SNTG1: variants seen among roughly 807,000 people sequenced by gnomAD.
SNTG1 encodes syntrophin gamma 1.
SNTG1 carries 39 observed loss-of-function variants against 74.7 expected under a neutral mutation model. The ratio of observed to expected loss-of-function variants is 0.52; its 90% confidence interval spans 0.40 to 0.68. The LOEUF is 0.68. Among genes scored for constraint, SNTG1 ranks in the 30% least tolerant of loss-of-function variants. SNTG1 has a pLI of 0.00. For synonymous variants in SNTG1, 254 were observed against 217.1 expected (o/e 1.17, Z -1.49); for missense variants, 685 against 609.5 (o/e 1.12, Z -1.30).
At chr8:50,206,350 CTTTA>C (rs1199156292) in intron 2 of SNTG1, among the ~76,000 whole-genome samples, 1 of 152,050 alleles carries the variant, frequency 6.6e-6, no homozygotes, top group African/African-American at 2.4e-5. Context: ...GGAGTTCACT[CTTTA>C]TTTGGCTCTC....
At chr8:50,493,975 T>C (rs1298544939) in intron 8 of SNTG1, among the ~76,000 whole-genome samples, 2 of 151,554 alleles carry the variant, frequency 1.3e-5, no homozygotes, top group Admixed American at 1.3e-4. Context: ...GAGCCCTAAG[T>C]TGGAGGGTTG....
At chr8:50,259,708 A>G (rs1330698352) in intron 2 of SNTG1, among the ~76,000 whole-genome samples, 1 of 152,146 alleles carries the variant, frequency 6.6e-6, no homozygotes, top group Non-Finnish European at 1.5e-5. Flanking sequence ...TGTCAATTTC[A>G]TTCACACTAT....
chr8:50,108,737 G>A (rs1382560070), intron 1 of SNTG1, among the ~76,000 whole-genome samples: 2 of 152,124 alleles, frequency 1.3e-5, no homozygotes, highest in Non-Finnish European at 2.9e-5. Context: ...CCTTTGCTGA[G>A]TTATTTGTGG....
chr8:50,198,200 A>T (rs2083850914), intron 2 of SNTG1, among the ~76,000 whole-genome samples: 1 of 152,138 alleles, frequency 6.6e-6, no homozygotes, highest in Non-Finnish European at 1.5e-5. Flanking sequence ...ACTCAGAAAA[A>T]AACAGCATCT....
intron 8 of SNTG1, 108 bp downstream of exon 8, chr8:50,450,837 C>A: frequency 1.8e-6 from 2 of 1,098,108 alleles, no homozygotes; most frequent in Non-Finnish European, 2.6e-6. Context: ...GACATTTATC[C>A]AGTTTGATAT....
rs899581622 is a variant in SNTG1 at position 50,426,249 on chromosome 8, T to C, written c.163-12294T>C. Among the ~76,000 whole-genome samples, 13 of 152,152 alleles carry C rather than the reference T, an allele frequency of 8.5e-5. 1 individual carries two copies. The highest frequency in any genetic ancestry group is 2.9e-4 in the African/African-American group (12 of 41,442). ...CTCAGATCTCCTCAGGCACCTCTTGTCTGTGACACTGTATAAGAATTCATT... is the reference window on the plus strand; with the variant it reads ...CTCAGATCTCCTCAGGCACCTCTTGCCTGTGACACTGTATAAGAATTCATT... On this transcript the variant is annotated intron_variant, in intron 4 of 18. Coordinates refer to ENST00000642720, the MANE Select transcript of SNTG1 (RefSeq NM_018967.5).
At chr8:50,432,303 T>G (rs1274918440) in intron 4 of SNTG1, among the ~76,000 whole-genome samples, 1 of 152,178 alleles carries the variant, frequency 6.6e-6, no homozygotes, top group Non-Finnish European at 1.5e-5. Context: ...TTTTATTCTT[T>G]TGTCAAATAT....
intron 18 of SNTG1, among the ~76,000 whole-genome samples, chr8:50,776,457 A>C (rs982199489): frequency 1.4e-5 from 2 of 147,440 alleles, no homozygotes; most frequent in African/African-American, 4.9e-5. Flanking sequence ...GCATATATTA[A>C]CATATACTTA....
At position 50,410,235 on chromosome 8, in the gene SNTG1, T is replaced by C. The variant is rs1448595155; in HGVS notation, c.162+7891T>C. On this transcript the variant is annotated intron_variant, in intron 4 of 18. Coordinates refer to ENST00000642720, the MANE Select transcript of SNTG1 (RefSeq NM_018967.5). ...GCACCTATTATGGATAGATTCTTAA[T>C]AGGTCATCTGGGAGGCATGGTGTGT... Among the ~76,000 whole-genome samples the C allele has an allele frequency of 2.6e-5, 4 of 152,194 alleles. No individual in the cohort carries two copies. In the East Asian group the frequency reaches 7.7e-4, roughly 29 times the overall value.
Position 50,794,818 on chromosome 8 carries a change from A to C in SNTG1, c.*1989A>C, listed in dbSNP as rs1424718698. 1 of 152,058 alleles carries C rather than the reference A, an allele frequency of 6.6e-6. No homozygotes were observed. The highest frequency in any genetic ancestry group is 1.5e-5 in the Non-Finnish European group (1 of 67,968). The allele number at this position is 152,058 out of a possible 1,614,324, so 9.4% of individuals were successfully genotyped here. On this transcript the variant is annotated 3_prime_UTR_variant, in exon 19 of 19. Coordinates refer to ENST00000642720, the MANE Select transcript of SNTG1 (RefSeq NM_018967.5). Reference sequence around the variant, plus strand: ...GGGCTAATTATCCATAAGCAAAAGAAAAACGTTTCAACAGTTTACCTACCT... The same window carrying C: ...GGGCTAATTATCCATAAGCAAAAGACAAACGTTTCAACAGTTTACCTACCT...
chr8:50,130,598 CTTTTACTTATA>C (rs1230400330), intron 1 of SNTG1, among the ~76,000 whole-genome samples: 5 of 151,272 alleles, frequency 3.3e-5, no homozygotes, highest in African/African-American at 1.2e-4. Flanking sequence ...TGCGTTCACA[CTTTTACTTATA>C]AAAATTAGAA....
chr8:50,703,958 CT>C (rs1355704356), intron 15 of SNTG1, among the ~76,000 whole-genome samples: 1 of 152,066 alleles, frequency 6.6e-6, no homozygotes, highest in African/African-American at 2.4e-5. Context: ...ATTTGCTTCA[CT>C]TTTTTTTCTC....
rs1163821069 is a variant in SNTG1, at chr8:50,079,542, T to C, written c.-102-93019T>C. On this transcript the variant is annotated intron_variant, in intron 1 of 18. Coordinates refer to ENST00000642720, the MANE Select transcript of SNTG1 (RefSeq NM_018967.5). ...TGTTCACTCTGATGCTAGTTTCTTT[T>C]GCTGAGCAGAAGCTCTTTAGTTTAA... is the stretch of plus-strand genomic sequence containing the variant. 2.6e-5 allele frequency among the ~76,000 whole-genome samples: 4 copies of C among 152,198 alleles called. No individual in the cohort carries two copies. The South Asian group carries it at 6.2e-4, about 24-fold the overall frequency.
chr8:49,949,139 A>T (rs1395794930), intron 1 of SNTG1, among the ~76,000 whole-genome samples: 1 of 152,178 alleles, frequency 6.6e-6, no homozygotes, highest in Admixed American at 6.5e-5. Context: ...TGGTTCTAAA[A>T]GTTGCTCTTC....
intron 8 of SNTG1, among the ~76,000 whole-genome samples, chr8:50,452,832 T>G (rs909220055): frequency 6.6e-6 from 1 of 152,220 alleles, no homozygotes; most frequent in Non-Finnish European, 1.5e-5. Context: ...GCTAAGCCAG[T>G]AGACTTACAC....
intron 15 of SNTG1, among the ~76,000 whole-genome samples, chr8:50,680,660 G>T (rs892394550): frequency 6.6e-6 from 1 of 152,122 alleles, no homozygotes; most frequent in African/African-American, 2.4e-5. Context: ...TTCGGAGGCA[G>T]TCTATCTCTA....
chr8:50,524,279 G>C (rs1417043577), intron 9 of SNTG1, among the ~76,000 whole-genome samples: 1 of 151,884 alleles, frequency 6.6e-6, no homozygotes, highest in Non-Finnish European at 1.5e-5. Flanking sequence ...TTGGTTTCAA[G>C]TTAGTGTCTC....
chr8:50,576,927 C>T lies in SNTG1; in HGVS notation c.811-13952C>T, dbSNP rs372386476. On this transcript the variant is annotated intron_variant, in intron 12 of 18. Transcript: ENST00000642720. ...AATGATAACATTATTTTTTCCTTTTCAATTCTTTCTTATATTTCTTTTTTC... is the reference window on the plus strand; with the variant it reads ...AATGATAACATTATTTTTTCCTTTTTAATTCTTTCTTATATTTCTTTTTTC... Among the ~76,000 whole-genome samples the T allele has an allele frequency of 4.1e-4, 63 of 151,992 alleles. No homozygotes were observed. In the East Asian group the frequency reaches 0.011, roughly 27 times the overall value.
At chr8:50,565,646 G>A (rs997790813) in intron 12 of SNTG1, among the ~76,000 whole-genome samples, 10 of 151,990 alleles carry the variant, frequency 6.6e-5, no homozygotes, top group Non-Finnish European at 1.2e-4. Flanking sequence ...TTGTTAGGGA[G>A]CAGGACTGTA....
Sources: gnomAD v4.1 joint callset for allele counts (sites outside exome capture counted in the v4.1 genomes callset) on GRCh38, gnomAD v4.1.1 for gene constraint, MANE v1.5 for transcripts, NCBI Gene and HGNC (gene_info 2026-07-23, HGNC 2026-07-21) for gene names.